Variants in PHIP observed in about 807,000 individuals in gnomAD.
The protein encoded by PHIP is PH-interacting protein.
PHIP carries 54 observed loss-of-function variants against 236.8 expected under a neutral mutation model. The ratio of observed to expected loss-of-function variants is 0.23; its 90% confidence interval spans 0.18 to 0.29. The LOEUF (loss-of-function observed/expected upper bound fraction) is 0.29, where lower values mean the gene tolerates loss of function less well. Among genes scored for constraint, PHIP ranks in the 10% least tolerant of loss-of-function variants. PHIP has a pLI of 1.00. For missense variants in PHIP, 1,370 were observed against 2,190.8 expected (o/e 0.63, Z 7.48); for synonymous variants, 756 against 718.9 (o/e 1.05, Z -0.83).
intron 24 of PHIP, among the ~76,000 whole-genome samples, chr6:78,974,285 A>C (rs1475220194): frequency 6.6e-6 from 1 of 152,114 alleles, no homozygotes; most frequent in East Asian, 1.9e-4. Context: ...TACTGGGTAC[A>C]TAATGAAATG....
chr6:78,966,925 C>T, intron 27 of PHIP, among the ~76,000 whole-genome samples: 1 of 152,148 alleles, frequency 6.6e-6, no homozygotes, highest in South Asian at 2.1e-4. Context: ...TATTTTTGAA[C>T]TTCATTTTCC....
rs539992362 is a variant in PHIP, at chr6:79,063,124, G to C, written c.190-2306C>G. Among the ~76,000 whole-genome samples, 83 of 152,202 alleles carry C rather than the reference G, an allele frequency of 5.5e-4. 1 individual carries two copies. The highest frequency in any genetic ancestry group is 2.6e-3 in the Admixed American group (40 of 15,292). On this transcript the variant is annotated intron_variant, in intron 4 of 39. Coordinates refer to ENST00000275034, the MANE Select transcript of PHIP (RefSeq NM_017934.7). ...TACCATTATGTGCCCTGTTTTGGGG[G>C]TTCATAAGACTCATGCACTATACTA...
intron 35 of PHIP, among the ~76,000 whole-genome samples, chr6:78,948,648 C>T (rs577951887): frequency 2.0e-5 from 3 of 152,230 alleles, no homozygotes; most frequent in African/African-American, 7.2e-5. Flanking sequence ...GCAGGCGCTA[C>T]CACACCCAGC....
In PHIP at chr6:78,969,742, A is replaced by T. The variant is rs555313691; in HGVS notation, c.3205+93T>A. On this transcript the variant is annotated intron_variant, in intron 27 of 39. Coordinates refer to ENST00000275034, the MANE Select transcript of PHIP (RefSeq NM_017934.7). ...TACAAATAGCAAAAAGATTTCTCTG[A>T]TAATCTTTTTCTCAATTATGAAAAA... 1.0e-5 allele frequency: 6 copies of T among 585,022 alleles called. No homozygotes were observed. In the East Asian group the frequency reaches 1.8e-4, roughly 17 times the overall value. 36.2% of individuals were successfully genotyped at this position (585,022 alleles called of 1,614,324 possible).
Position 78,947,787 on chromosome 6 carries a change from A to T in PHIP, c.4054-12T>A, listed in dbSNP as rs199965169. ...ATGTCTCTGTAGTCCTAGGAGAGGGAAAACAGGTGGTGTTATGATTATTAC... is the reference window on the plus strand; with the variant it reads ...ATGTCTCTGTAGTCCTAGGAGAGGGTAAACAGGTGGTGTTATGATTATTAC... On this transcript the variant is annotated splice_polypyrimidine_tract_variant and intron_variant, in intron 35 of 39. Transcript: ENST00000275034. 6.6e-5 allele frequency: 105 copies of T among 1,591,776 alleles called. 1 individual carries two copies. The Admixed American group carries it at 1.8e-3, about 27-fold the overall frequency.
intron 13 of PHIP, 68 bp downstream of exon 13, chr6:79,016,476 A>G: frequency 2.3e-6 from 2 of 876,570 alleles, no homozygotes; most frequent in Admixed American, 2.3e-5. Flanking sequence ...GCTGAGAGTC[A>G]CCAACCTGCA....
intron 35 of PHIP, among the ~76,000 whole-genome samples, chr6:78,949,119 G>GTAAAC (rs1773994524): frequency 2.0e-5 from 3 of 152,158 alleles, no homozygotes; most frequent in Non-Finnish European, 4.4e-5. Flanking sequence ...ATTAGCTGTA[G>GTAAAC]ATGTACTTTT....
At chr6:79,052,857 G>T in intron 6 of PHIP, among the ~76,000 whole-genome samples, 1 of 152,078 alleles carries the variant, frequency 6.6e-6, no homozygotes, top group East Asian at 1.9e-4. Flanking sequence ...GGACAGAGCT[G>T]GCACATTAAC....
intron 21 of PHIP, 113 bp downstream of exon 21, chr6:78,988,096 A>C: frequency 3.1e-6 from 2 of 652,130 alleles, no homozygotes; most frequent in Non-Finnish European, 4.7e-6. Flanking sequence ...AGACCCCAAA[A>C]TGCCATATTT....
intron 9 of PHIP, among the ~76,000 whole-genome samples, chr6:79,022,791 A>T (rs895549159): frequency 6.6e-6 from 1 of 152,234 alleles, no homozygotes; most frequent in Non-Finnish European, 1.5e-5. Context: ...GTGAGTTGGT[A>T]ATACACACAT....
At chr6:79,013,744 T>C (rs943215810) in intron 15 of PHIP, among the ~76,000 whole-genome samples, 4 of 151,592 alleles carry the variant, frequency 2.6e-5, no homozygotes, top group Admixed American at 2.0e-4. Context: ...GGAGAAAAGT[T>C]TCCCTCCAAA....
intron 7 of PHIP, among the ~76,000 whole-genome samples, chr6:79,033,162 T>TG (rs1209160184): frequency 1.3e-5 from 2 of 152,172 alleles, no homozygotes; most frequent in Non-Finnish European, 2.9e-5. Flanking sequence ...TGTAGTTCCC[T>TG]TTACAGAGCA....
At chr6:79,007,610 C>T (rs1364805834) in intron 15 of PHIP, among the ~76,000 whole-genome samples, 1 of 147,390 alleles carries the variant, frequency 6.8e-6, no homozygotes, top group African/African-American at 2.5e-5. Context: ...CCATCCTCTT[C>T]TAGAGTTATT....
At chr6:79,000,342 T>C (rs2127730459) in intron 17 of PHIP, among the ~76,000 whole-genome samples, 1 of 152,120 alleles carries the variant, frequency 6.6e-6, no homozygotes, top group Non-Finnish European at 1.5e-5. Flanking sequence ...TTATGCCTAT[T>C]TTATATGGAA....
chr6:78,964,171 A>G (rs149974274), intron 29 of PHIP, among the ~76,000 whole-genome samples: 1 of 152,300 alleles, frequency 6.6e-6, no homozygotes. Flanking sequence ...CATGGTTACC[A>G]ATTGATTTAA....
At chr6:79,066,280 T>G (rs1404395093) in intron 4 of PHIP, among the ~76,000 whole-genome samples, 1 of 152,194 alleles carries the variant, frequency 6.6e-6, no homozygotes, top group African/African-American at 2.4e-5. Flanking sequence ...ACATATTGGC[T>G]GCACACTGAA....
At position 79,015,112 on chromosome 6, in the gene PHIP, T is replaced by C; in HGVS notation, c.1494A>G (p.Arg498=). The change falls in exon 15 of 40, where the codon AGA becomes AGG. Residue 498 remains arginine, a synonymous_variant. Coordinates refer to ENST00000275034, the MANE Select transcript of PHIP (RefSeq NM_017934.7). ...TGAAATAAGATCGTATTTTGACTCC[T>C]CTTGCCAGATCCCACACTATCACGT... ...DGNVIVWDLA[R]GVKIRSYFNM... The C allele has an allele frequency of 6.2e-7, 1 of 1,611,478 alleles. No individual in the cohort carries two copies. Among genetic ancestry groups the C allele is most frequent in the East Asian group, 2.2e-5 (1 of 44,804 alleles).
chr6:78,946,301 A>T, intron 37 of PHIP, 41 bp from the exon 38 acceptor site: 1 of 1,546,772 alleles, frequency 6.5e-7, no homozygotes. Context: ...TTATAGCTCT[A>T]TGTGAACGAA....
chr6:79,009,951 T>C, intron 15 of PHIP, among the ~76,000 whole-genome samples: 1 of 151,830 alleles, frequency 6.6e-6, no homozygotes, highest in Non-Finnish European at 1.5e-5. Flanking sequence ...AGACCGAAAG[T>C]ACTTCCTTAC....
Sources: gnomAD v4.1 joint callset for allele counts (sites outside exome capture counted in the v4.1 genomes callset) on GRCh38, gnomAD v4.1.1 for gene constraint, MANE v1.5 for transcripts, NCBI Gene and HGNC (gene_info 2026-07-23, HGNC 2026-07-21) for gene names.